Variants in HDAC4 observed in about 807,000 individuals in gnomAD.
The protein encoded by HDAC4 is histone deacetylase A.
HDAC4 carries 16 observed loss-of-function variants against 135.1 expected under a neutral mutation model. The observed-to-expected ratio is 0.12, with a 90% CI of 0.08 to 0.18. The LOEUF (loss-of-function observed/expected upper bound fraction) is 0.18, where lower values mean the gene tolerates loss of function less well. Among genes scored for constraint, HDAC4 ranks in the 10% least tolerant of loss-of-function variants. The probability of loss-of-function intolerance (pLI) is 1.00; values close to 1 mark genes in which losing one functional copy is unlikely to be tolerated. For missense variants in HDAC4, 1,143 were observed against 1,511.8 expected (o/e 0.76, Z 4.05); for synonymous variants, 685 against 653.4 (o/e 1.05, Z -0.74).
At chr2:239,318,986 A>C (rs1175052679) in intron 2 of HDAC4, among the ~76,000 whole-genome samples, 2 of 152,300 alleles carry the variant, frequency 1.3e-5, no homozygotes, top group Non-Finnish European at 2.9e-5. Flanking sequence ...TGAGTGAACC[A>C]ATCACATCCT....
chr2:239,382,845 C>T (rs1695515812), intron 1 of HDAC4, among the ~76,000 whole-genome samples: 1 of 152,164 alleles, frequency 6.6e-6, no homozygotes, highest in Non-Finnish European at 1.5e-5. Flanking sequence ...TTGCCTCAGC[C>T]TCCTGAGTAG....
chr2:239,081,554 T>C (rs2035330396), intron 21 of HDAC4, among the ~76,000 whole-genome samples: 1 of 152,248 alleles, frequency 6.6e-6, no homozygotes, highest in Non-Finnish European at 1.5e-5. Flanking sequence ...GTGTCTCCGA[T>C]GAGCCTGTCA....
intron 9 of HDAC4, among the ~76,000 whole-genome samples, chr2:239,137,766 T>C (rs2041077103): frequency 6.6e-6 from 1 of 152,182 alleles, no homozygotes; most frequent in Non-Finnish European, 1.5e-5. Context: ...CTAGAGATAC[T>C]GAAACCCAGA....
At chr2:239,064,674 C>T (rs1405716815) in intron 24 of HDAC4, among the ~76,000 whole-genome samples, 1 of 152,242 alleles carries the variant, frequency 6.6e-6, no homozygotes, top group African/African-American at 2.4e-5. Context: ...GGAAAGCAAC[C>T]TGCTTCCCAG....
rs140219732 is a variant in HDAC4 at position 239,135,792 on chromosome 2, C to T, written c.979-1149G>A. ...GTTAACAGAACGGAGGGGCATTGCA[C>T]ACCGGGATGCTCTGGGGGTTGGGAA... is the stretch of plus-strand genomic sequence containing the variant. On this transcript the variant is annotated intron_variant, in intron 9 of 26. Transcript: ENST00000543185. Among the ~76,000 whole-genome samples the T allele has an allele frequency of 7.9e-3, 1,204 of 152,314 alleles. 24 individuals carry two copies. Among genetic ancestry groups the T allele is most frequent in the African/African-American group, 0.027 (1,126 of 41,568 alleles).
chr2:239,131,470 T>C (rs894448273), intron 11 of HDAC4, among the ~76,000 whole-genome samples: 2 of 152,148 alleles, frequency 1.3e-5, no homozygotes, highest in Non-Finnish European at 2.9e-5. Context: ...GAAACGAAGA[T>C]GCAGTGTGAT....
Position 239,165,806 on chromosome 2 carries a change from A to C in HDAC4, c.491-1883T>G, listed in dbSNP as rs115569204. ...AAATGTTCAAATGCTTGTTTTTATA[A>C]AGTCTATTTTAGTTTTTCCTTTGTG... On this transcript the variant is annotated intron_variant, in intron 5 of 26. Transcript: ENST00000543185. Among the ~76,000 whole-genome samples the C allele has an allele frequency of 3.4e-3, 517 of 152,190 alleles. 5 individuals are homozygous for C. Among genetic ancestry groups the C allele is most frequent in the African/African-American group, 0.012 (480 of 41,506 alleles).
At chr2:239,149,898 G>A (rs1559515163) in intron 7 of HDAC4, among the ~76,000 whole-genome samples, 1 of 152,112 alleles carries the variant, frequency 6.6e-6, no homozygotes. Flanking sequence ...TGGGGAGGGG[G>A]TATCATTTGC....
At chr2:239,163,655 C>T (rs1212135083) in intron 6 of HDAC4, 148 bp downstream of exon 6, 1 of 865,668 alleles carries the variant, frequency 1.2e-6, no homozygotes, top group Non-Finnish European at 2.0e-6. Flanking sequence ...TCACCCACAT[C>T]CGAGCACCAC....
intron 5 of HDAC4, among the ~76,000 whole-genome samples, chr2:239,171,292 A>G (rs562432788): frequency 1.2e-4 from 19 of 152,336 alleles, no homozygotes; most frequent in African/African-American, 4.3e-4. Context: ...AAGATCAAGA[A>G]AGTCTATGGA....
chr2:239,106,873 C>T (rs2038187511), intron 15 of HDAC4, among the ~76,000 whole-genome samples: 1 of 152,112 alleles, frequency 6.6e-6, no homozygotes. Flanking sequence ...TGTCGGGTGT[C>T]CAGGACTGTT....
intron 2 of HDAC4, among the ~76,000 whole-genome samples, chr2:239,280,423 T>C (rs2050637177): frequency 6.6e-6 from 1 of 152,192 alleles, no homozygotes; most frequent in African/African-American, 2.4e-5. Context: ...GTATGAAACA[T>C]TGAGTCAGCA....
At chr2:239,221,484 C>T (rs2046950668) in intron 3 of HDAC4, among the ~76,000 whole-genome samples, 2 of 152,186 alleles carry the variant, frequency 1.3e-5, no homozygotes, top group Non-Finnish European at 2.9e-5. Flanking sequence ...TGCCCCTCCC[C>T]AGGGGTTAAG....
At chr2:239,089,679 T>A (rs1156840629) in intron 18 of HDAC4, 1 of 289,058 alleles carries the variant, frequency 3.5e-6, no homozygotes, top group Non-Finnish European at 6.6e-6. Flanking sequence ...TAATCTCTAA[T>A]AGAGTCAATA....
At chr2:239,341,683 T>G (rs1374479896) in intron 2 of HDAC4, among the ~76,000 whole-genome samples, 1 of 152,182 alleles carries the variant, frequency 6.6e-6, no homozygotes, top group African/African-American at 2.4e-5. Context: ...TTTCTACATA[T>G]TTCCTAGGAA....
intron 3 of HDAC4, among the ~76,000 whole-genome samples, chr2:239,204,220 C>T (rs935182923): frequency 3.9e-5 from 6 of 152,212 alleles, no homozygotes; most frequent in Admixed American, 1.3e-4. Context: ...CGTGTCCCGG[C>T]GTCCCCATGC....
intron 2 of HDAC4, among the ~76,000 whole-genome samples, chr2:239,280,732 C>T (rs1575597609): frequency 1.3e-5 from 2 of 152,090 alleles, no homozygotes; most frequent in South Asian, 2.1e-4. Context: ...TGTCCCCATG[C>T]ACACACGTGT....
At chr2:239,112,555 T>G (rs1022246880) in intron 13 of HDAC4, among the ~76,000 whole-genome samples, 1 of 151,556 alleles carries the variant, frequency 6.6e-6, no homozygotes, top group African/African-American at 2.4e-5. Flanking sequence ...GCTCTGTGTG[T>G]GGGGGGGGCA....
intron 1 of HDAC4, among the ~76,000 whole-genome samples, chr2:239,395,800 C>T (rs1251403475): frequency 6.6e-6 from 1 of 151,944 alleles, no homozygotes; most frequent in Admixed American, 6.5e-5. Flanking sequence ...ATAAATAATG[C>T]AGCCCCGACC....
Sources: allele counts gnomAD v4.1 joint callset (sites outside exome capture counted in the v4.1 genomes callset), GRCh38; gene constraint gnomAD v4.1.1; transcripts MANE v1.5; gene names NCBI Gene and HGNC (gene_info 2026-07-23, HGNC 2026-07-21).